DGKG: variants seen among roughly 807,000 people sequenced by gnomAD.
The protein encoded by DGKG is diacylglycerol kinase gamma.
Under a neutral mutation model 105.3 loss-of-function variants are expected in DGKG, and 78 were observed. That is an observed-to-expected ratio of 0.74 (90% CI 0.62 to 0.89). The LOEUF is 0.89. Ranked by LOEUF, DGKG falls within the 40% of genes least tolerant of loss-of-function variation. The pLI is 0.00. For missense variants in DGKG, 958 were observed against 1,020.1 expected, an observed-to-expected ratio of 0.94 and a Z score of 0.83; for synonymous variants, 346 against 367.1, an observed-to-expected ratio of 0.94 and a Z score of 0.66.
chr3:186,193,716 C>T lies in DGKG; in HGVS notation c.1918-5337G>A, dbSNP rs183978030. On this transcript the variant is annotated intron_variant, in intron 21 of 24. Coordinates refer to ENST00000265022, the MANE Select transcript of DGKG (RefSeq NM_001346.3). ...GTCGGCCTAAATGGAACGCCGGCCCCGGGGCCCGCTCCCCGGCGGGTTCCC... is the reference window on the plus strand; with the variant it reads ...GTCGGCCTAAATGGAACGCCGGCCCTGGGGCCCGCTCCCCGGCGGGTTCCC... 8.1e-3 allele frequency among the ~76,000 whole-genome samples: 1,232 copies of T among 152,316 alleles called. 21 individuals carry two copies. The highest frequency in any genetic ancestry group is 0.028 in the African/African-American group (1,180 of 41,572).
chr3:186,305,270 G>A (rs112061245), intron 3 of DGKG, among the ~76,000 whole-genome samples: 1,654 of 152,344 alleles, frequency 0.011, 31 homozygotes, highest in African/African-American at 0.037. Flanking sequence ...TGATCACTGA[G>A]AAGGTGACTT....
intron 21 of DGKG, among the ~76,000 whole-genome samples, chr3:186,190,429 T>C (rs558658072): frequency 6.6e-6 from 1 of 152,360 alleles, no homozygotes; most frequent in East Asian, 1.9e-4. Context: ...TGAAATTTTA[T>C]GATACTATCA....
rs34829528 is a variant in DGKG at position 186,295,638 on chromosome 3, T to TAAAAAAAAAAAAAAAAAAAAAA, written c.373+1761_373+1782dup. Among the ~76,000 whole-genome samples, 19 of 84,510 alleles carry TAAAAAAAAAAAAAAAAAAAAAA rather than the reference T, an allele frequency of 2.2e-4. 2 individuals are homozygous for TAAAAAAAAAAAAAAAAAAAAAA. Among genetic ancestry groups the TAAAAAAAAAAAAAAAAAAAAAA allele is most frequent in the African/African-American group, 8.0e-4 (16 of 19,996 alleles). The allele number at this position is 84,510 out of a possible 152,430, so 55.4% of individuals were successfully genotyped here. On this transcript the variant is annotated intron_variant, in intron 5 of 24. Coordinates refer to ENST00000265022, the MANE Select transcript of DGKG (RefSeq NM_001346.3). The stretch of plus-strand genomic sequence containing the variant: ...TTTTCAATAAAATGATAATGCACAG[T>TAAAAAAAAAAAAAAAAAAAAAA]AAAAAAAAAAAAAAAAAAAAAAGGT...
intron 20 of DGKG, among the ~76,000 whole-genome samples, chr3:186,223,718 T>C (rs921655903): frequency 3.3e-5 from 5 of 152,168 alleles, no homozygotes; most frequent in African/African-American, 1.2e-4. Flanking sequence ...CTTTTGAAAA[T>C]CTCATCCATA....
At chr3:186,152,144 G>T (rs897151936) in intron 24 of DGKG, among the ~76,000 whole-genome samples, 4 of 152,154 alleles carry the variant, frequency 2.6e-5, no homozygotes, top group Admixed American at 6.5e-5. Flanking sequence ...AGAAGACACT[G>T]TGGACAATTA....
intron 1 of DGKG, among the ~76,000 whole-genome samples, chr3:186,345,001 T>C (rs770318888): frequency 7.2e-5 from 11 of 152,250 alleles, no homozygotes; most frequent in Non-Finnish European, 1.5e-4. Context: ...TTACTTGATA[T>C]GTGAAAGCCT....
rs540656950 is a variant in DGKG, at chr3:186,160,431, G to T, written c.2277+1172C>A. 3 of 985,258 alleles carry T rather than the reference G, an allele frequency of 3.0e-6. No individual in the cohort carries two copies. In the South Asian group the frequency reaches 1.4e-4, roughly 46 times the overall value. The allele number at this position is 985,258 out of a possible 1,614,324, so 61.0% of individuals were successfully genotyped here. Reference sequence around the variant, plus strand: ...TAAATAGTAGAAATTCCCTCTATGCGTCCTAACTCCAGCAAGGTGGAAAGC... The same window carrying T: ...TAAATAGTAGAAATTCCCTCTATGCTTCCTAACTCCAGCAAGGTGGAAAGC... On this transcript the variant is annotated intron_variant, in intron 24 of 24. Transcript: ENST00000265022.
chr3:186,214,877 A>C (rs1350811815), intron 20 of DGKG, among the ~76,000 whole-genome samples: 3 of 152,230 alleles, frequency 2.0e-5, no homozygotes, highest in Non-Finnish European at 4.4e-5. Flanking sequence ...AGAACCAGGC[A>C]CCAGAGTTCA....
At position 186,280,700 on chromosome 3, in the gene DGKG, G is replaced by A; in HGVS notation, c.639C>T (p.Tyr213=). The A allele has an allele frequency of 6.2e-7, 1 of 1,614,060 alleles. No homozygotes were observed. Among genetic ancestry groups the A allele is most frequent in the Non-Finnish European group, 8.5e-7 (1 of 1,179,978 alleles). Residue 213 remains tyrosine (Y), a synonymous_variant, in exon 8 of 25, where the codon TAC becomes TAT. Coordinates refer to ENST00000265022, the MANE Select transcript of DGKG (RefSeq NM_001346.3). ...IVNQMLHIAQ[Y]LEWDPTELRP... The stretch of plus-strand genomic sequence containing the variant: ...TCAGCTCTGTGGGATCCCACTCCAG[G>A]TACTGGGCAATATGCAGCATTTGGT...
At chr3:186,161,348 GA>G (rs1716280663) in intron 24 of DGKG, 1 of 1,339,908 alleles carries the variant, frequency 7.5e-7, no homozygotes, top group Non-Finnish European at 9.6e-7. Flanking sequence ...CTAGAACTGT[GA>G]ACTCCTCGAA....
intron 20 of DGKG, among the ~76,000 whole-genome samples, chr3:186,222,550 T>TAC (rs1016956657): frequency 6.6e-6 from 1 of 152,138 alleles, no homozygotes; most frequent in Non-Finnish European, 1.5e-5. Context: ...TAATTAAGAA[T>TAC]ACACACACAT....
rs552900596 is a variant in DGKG, at chr3:186,306,962, A to G, written c.83T>C (p.Ile28Thr). 22 of 1,612,438 alleles carry G rather than the reference A, an allele frequency of 1.4e-5. No individual in the cohort carries two copies. The highest frequency in any genetic ancestry group is 1.7e-4 in the Middle Eastern group (1 of 6,058). Residue 28 changes from isoleucine to threonine, a missense_variant, in exon 3 of 25, where the codon ATA becomes ACA. Transcript: ENST00000265022. Reference protein sequence around the residue: ...QKYSEYSSKKIKDALTEFNEG... With the variant: ...QKYSEYSSKKTKDALTEFNEG... ...ATTAAATTCAGTCAAGGCATCTTTT[A>G]TCTTCTTGGAGGAATCTGAAGAGAC...
chr3:186,303,955 C>T (rs906892044), intron 3 of DGKG, among the ~76,000 whole-genome samples: 1 of 152,250 alleles, frequency 6.6e-6, no homozygotes, highest in African/African-American at 2.4e-5. Context: ...TGTGCCATGA[C>T]ATTACACCTA....
intron 1 of DGKG, among the ~76,000 whole-genome samples, chr3:186,329,476 A>G (rs1453871437): frequency 1.3e-5 from 2 of 152,198 alleles, no homozygotes; most frequent in Non-Finnish European, 1.5e-5. Context: ...CCAATTATCC[A>G]GGAACAAACA....
intron 20 of DGKG, among the ~76,000 whole-genome samples, chr3:186,239,643 G>A (rs913835961): frequency 5.3e-5 from 8 of 152,156 alleles, no homozygotes; most frequent in African/African-American, 1.4e-4. Context: ...GGAAGCGTTC[G>A]GTGACCTTGT....
At chr3:186,280,826 A>T (rs1722798834) in intron 7 of DGKG, 82 bp from the exon 8 acceptor site, 8 of 1,189,254 alleles carry the variant, frequency 6.7e-6, no homozygotes, top group Non-Finnish European at 9.9e-6. Context: ...AATTAAGCCC[A>T]GTGGGAAGAG....
chr3:186,159,116 C>A (rs948273018), intron 24 of DGKG: 9 of 152,768 alleles, frequency 5.9e-5, no homozygotes, highest in African/African-American at 1.9e-4. Context: ...AATTTTAACT[C>A]ATCTATTTTT....
At chr3:186,183,762 T>C (rs763118938) in intron 22 of DGKG, among the ~76,000 whole-genome samples, 17 of 151,970 alleles carry the variant, frequency 1.1e-4, no homozygotes, top group Non-Finnish European at 2.4e-4. Context: ...TGGAGTGCAG[T>C]GGTGCAATCT....
intron 21 of DGKG, among the ~76,000 whole-genome samples, chr3:186,204,435 T>C (rs374160669): frequency 6.6e-6 from 1 of 152,148 alleles, no homozygotes; most frequent in African/African-American, 2.4e-5. Flanking sequence ...TGGCGCTGGT[T>C]TAGATTGGAA....
Sources: allele counts gnomAD v4.1 joint callset (sites outside exome capture counted in the v4.1 genomes callset), GRCh38; gene constraint gnomAD v4.1.1; transcripts MANE v1.5; gene names NCBI Gene and HGNC (gene_info 2026-07-23, HGNC 2026-07-21).